ZFP57: variants seen among roughly 807,000 people sequenced by gnomAD.
The protein encoded by ZFP57 is ZFP57 zinc finger protein.
ZFP57 carries 12 observed loss-of-function variants against 15.8 expected under a neutral mutation model. The ratio of observed to expected loss-of-function variants is 0.76; its 90% confidence interval spans 0.49 to 1.23. The LOEUF (loss-of-function observed/expected upper bound fraction) is 1.23. Among genes scored for constraint, ZFP57 ranks in the 50% most tolerant of loss-of-function variants. ZFP57 has a pLI of 0.00. For missense variants in ZFP57, 536 were observed against 654.9 expected (o/e 0.82, Z 1.98); for synonymous variants, 203 against 242.3 (o/e 0.84, Z 1.51).
At chr6:29,680,359 T>C (rs559410412) in intron 1 of ZFP57, among the ~76,000 whole-genome samples, 44 of 152,316 alleles carry the variant, frequency 2.9e-4, no homozygotes, top group African/African-American at 8.9e-4. Context: ...CTGAGAATGA[T>C]GAGAATCCCC....
downstream of ZFP57, chr6:29,672,481 G>T (rs2127543137): frequency 6.2e-7 from 1 of 1,612,806 alleles, no homozygotes; most frequent in Non-Finnish European, 8.5e-7. Context: ...CAAAGAAAGA[G>T]CTCAGTCAGA....
intron 3 of ZFP57, among the ~76,000 whole-genome samples, 174 bp downstream of exon 3, chr6:29,675,759 G>T (rs1005917262): frequency 6.6e-6 from 1 of 152,254 alleles, no homozygotes; most frequent in South Asian, 2.1e-4. Flanking sequence ...CTTCATGCAG[G>T]CTATCATTTC....
Position 29,673,217 on chromosome 6 carries a change from T to C in ZFP57, c.894A>G (p.Pro298=). ...GTGTCTGGAATTCAGCCTGGGTGCC[T>C]GGAATCCTCAAAGTACACTCCTGGT... ...DGNQECTLRI[P]GTQAEFQTPI... Residue 298 remains proline (P), a synonymous_variant, in exon 5 of 5, where the codon CCA becomes CCG. Coordinates refer to ENST00000376883, the MANE Select transcript of ZFP57 (RefSeq NM_001109809.5). The surrounding 1 kb of genome is among the most constrained non-coding windows in gnomAD (Gnocchi z 4.7). 6.2e-7 allele frequency: 1 copy of C among 1,613,074 alleles called. No individual in the cohort carries two copies. The highest frequency in any genetic ancestry group is 8.5e-7 in the Non-Finnish European group (1 of 1,180,026).
intron 3 of ZFP57, 121 bp from the exon 4 acceptor site, chr6:29,675,608 A>C: frequency 1.1e-6 from 1 of 876,222 alleles, no homozygotes; most frequent in Non-Finnish European, 2.0e-6. Context: ...GGACATGTAG[A>C]TGCGGAAAGG....
chr6:29,672,441 C>T (rs1771700320), downstream of ZFP57: 2 of 1,605,240 alleles, frequency 1.2e-6, no homozygotes, highest in Admixed American at 3.3e-5. Context: ...CCTCATTACC[C>T]CAGAGGTCAG....
At chr6:29,676,852 C>A in intron 2 of ZFP57, 29 bp downstream of exon 2, 4 of 1,613,310 alleles carry the variant, frequency 2.5e-6, no homozygotes, top group Non-Finnish European at 2.5e-6. Context: ...GGACCTGGAC[C>A]CCACCTCTCT....
In ZFP57 at chr6:29,672,578, G is replaced by A. The variant is rs769068037; in HGVS notation, c.1533C>T (p.Pro511=). 1 of 1,612,736 alleles carries A rather than the reference G, an allele frequency of 6.2e-7. No homozygotes were observed. The highest frequency in any genetic ancestry group is 8.5e-7 in the Non-Finnish European group (1 of 1,179,860). ...CCTTCTCTCTTAGGCCTCTTCTCCT[G>A]GGGGTATGGATCCTGGGGGGAGATT... is the stretch of plus-strand genomic sequence containing the variant. The part of the protein sequence containing the change: ...GDQSPPRIHT[P]RRRGLREKAC... Residue 511 remains proline (P), a synonymous_variant, in exon 5 of 5, where the codon CCC becomes CCT. Coordinates refer to ENST00000376883, the MANE Select transcript of ZFP57 (RefSeq NM_001109809.5).
intron 1 of ZFP57, among the ~76,000 whole-genome samples, chr6:29,678,795 G>T (rs1208748064): frequency 6.6e-6 from 1 of 152,152 alleles, no homozygotes; most frequent in Non-Finnish European, 1.5e-5. Flanking sequence ...TATCCACTGG[G>T]GTGGGGCGCG....
chr6:29,677,770 C>CAT (rs1233691965), intron 1 of ZFP57, among the ~76,000 whole-genome samples: 6 of 98,080 alleles, frequency 6.1e-5, no homozygotes, highest in East Asian at 4.3e-4. Context: ...CAAAATTATA[C>CAT]ACACACACAC....
chr6:29,680,315 C>T (rs1772279320), intron 1 of ZFP57, among the ~76,000 whole-genome samples: 1 of 152,186 alleles, frequency 6.6e-6, no homozygotes, highest in South Asian at 2.1e-4. Context: ...CACCCAGTCT[C>T]TCTCCAACCC....
chr6:29,674,552 A>G (rs1771974561), intron 4 of ZFP57, among the ~76,000 whole-genome samples: 1 of 152,214 alleles, frequency 6.6e-6, no homozygotes. Context: ...ATAATAATGC[A>G]TCATGAACAC....
intron 3 of ZFP57, 62 bp from the exon 4 acceptor site, chr6:29,675,549 G>A (rs1772027479): frequency 7.8e-7 from 1 of 1,277,080 alleles, no homozygotes; most frequent in Admixed American, 1.7e-5. Context: ...CACATCTGAT[G>A]GGGACAACAG....
rs144633545 is a variant in ZFP57 at position 29,672,952 on chromosome 6, G to A, written c.1159C>T (p.Pro387Ser). 1.3e-4 allele frequency: 215 copies of A among 1,613,052 alleles called. No individual in the cohort carries two copies. The highest frequency in any genetic ancestry group is 1.7e-4 in the Non-Finnish European group (201 of 1,180,038). The change falls in exon 5 of 5, where the codon CCC becomes TCC. Residue 387 changes from proline to serine, a missense_variant. Physicochemically the swap from Pro to Ser is moderately conservative, Grantham distance 74. Coordinates refer to ENST00000376883, the MANE Select transcript of ZFP57 (RefSeq NM_001109809.5). ...TTGCTAAAAGTCAAAGAACAATGGG[G>A]GCAACAGAAGACATTGAGTCTTGAG... Reference protein sequence around the residue: ...KPSRLNVFCCPHCSLTFSKKS... With the variant: ...KPSRLNVFCCSHCSLTFSKKS...
intron 2 of ZFP57, among the ~76,000 whole-genome samples, chr6:29,676,398 T>C (rs1213613956): frequency 6.6e-6 from 1 of 151,834 alleles, no homozygotes; most frequent in African/African-American, 2.4e-5. Context: ...TAGCTGGGCA[T>C]GGTGGCGCAT....
intron 1 of ZFP57, among the ~76,000 whole-genome samples, chr6:29,679,389 C>T (rs1447781641): frequency 1.3e-5 from 2 of 152,164 alleles, no homozygotes; most frequent in African/African-American, 2.4e-5. Flanking sequence ...AAAACGCCCT[C>T]GAGGAATAGA....
intron 3 of ZFP57, 63 bp from the exon 4 acceptor site, chr6:29,675,550 G>C (rs1262724752): frequency 2.3e-6 from 3 of 1,278,406 alleles, no homozygotes; most frequent in Non-Finnish European, 3.4e-6. Context: ...ACATCTGATG[G>C]GGACAACAGG....
At chr6:29,680,885 C>T (rs1772311383) in intron 1 of ZFP57, among the ~76,000 whole-genome samples, 177 bp downstream of exon 1, 1 of 152,082 alleles carries the variant, frequency 6.6e-6, no homozygotes, top group Non-Finnish European at 1.5e-5. Flanking sequence ...GGACAGGGCA[C>T]CTGGATACAC....
chr6:29,679,873 A>C (rs1240382100), intron 1 of ZFP57, among the ~76,000 whole-genome samples: 2 of 150,590 alleles, frequency 1.3e-5, no homozygotes, highest in African/African-American at 4.9e-5. Context: ...AATGAGAGTG[A>C]AACTCCGTCT....
chr6:29,679,755 A>G (rs138714517), intron 1 of ZFP57, among the ~76,000 whole-genome samples: 2,527 of 152,258 alleles, frequency 0.017, 49 homozygotes, highest in African/African-American at 0.04. Context: ...GTGGTGGCGC[A>G]TGCCTGTAAT....
Sources: gnomAD v4.1 joint callset for allele counts (sites outside exome capture counted in the v4.1 genomes callset) on GRCh38, gnomAD v4.1.1 for gene constraint, Gnocchi (gnomAD v3.1) non-coding constraint, MANE v1.5 for transcripts, NCBI Gene and HGNC (gene_info 2026-07-23, HGNC 2026-07-21) for gene names.